The following CEP164 variants were observed in gnomAD, a reference collection of about 807,000 sequenced individuals.
CEP164 encodes centrosomal protein of 164 kDa.
A neutral mutation model predicts 182.7 loss-of-function variants in CEP164; 162 were observed. That is an observed-to-expected ratio of 0.89 (90% confidence interval 0.78 to 1.01). The LOEUF is 1.01. CEP164 is among the 50% of genes least tolerant of loss of function. The pLI, the probability that CEP164 is intolerant of heterozygous loss-of-function variation, is 0.00. For synonymous variants in CEP164, 661 were observed against 690.0 expected (o/e 0.96, Z 0.66); for missense variants, 1,735 against 1,790.4 (o/e 0.97, Z 0.56).
At chr11:117,398,588 C>T (rs1015514849) in intron 27 of CEP164, among the ~76,000 whole-genome samples, 1 of 151,946 alleles carries the variant, frequency 6.6e-6, no homozygotes, top group African/African-American at 2.4e-5. Context: ...CATACATCTT[C>T]TGAAATCTAG....
At chr11:117,345,774 C>T (rs2135293677) in intron 4 of CEP164, among the ~76,000 whole-genome samples, 1 of 152,132 alleles carries the variant, frequency 6.6e-6, no homozygotes, top group African/African-American at 2.4e-5. Flanking sequence ...GCAACCTCCA[C>T]CTCCCGGAGG....
intron 5 of CEP164, chr11:117,356,753 T>A: frequency 1.1e-6 from 1 of 881,576 alleles, no homozygotes; most frequent in Non-Finnish European, 1.4e-6. Flanking sequence ...GCCCTTTAAC[T>A]ACCCAAATGG....
chr11:117,365,797 C>T (rs1474134191), intron 8 of CEP164, among the ~76,000 whole-genome samples: 1 of 152,086 alleles, frequency 6.6e-6, no homozygotes, highest in Non-Finnish European at 1.5e-5. Flanking sequence ...CCAGGCTGGT[C>T]TCGAACTCCT....
At chr11:117,365,335 G>C (rs1592183408) in intron 8 of CEP164, among the ~76,000 whole-genome samples, 1 of 152,328 alleles carries the variant, frequency 6.6e-6, no homozygotes, top group East Asian at 1.9e-4. Flanking sequence ...ATGAGTGAAT[G>C]AGCCACCTCG....
chr11:117,341,999 T>C (rs1470475810), intron 3 of CEP164, among the ~76,000 whole-genome samples: 1 of 152,152 alleles, frequency 6.6e-6, no homozygotes, highest in Non-Finnish European at 1.5e-5. Flanking sequence ...TCCTTGACCA[T>C]CATTTCTAGA....
In CEP164 at chr11:117,396,533, C is replaced by T; in HGVS notation, c.3217-17C>T. ...CTTTTGCTACACTCAGTGGACTTTT[C>T]TACCATGTGTCCCTAGAACCAGACC... On this transcript the variant is annotated splice_polypyrimidine_tract_variant and intron_variant, in intron 25 of 32. Coordinates refer to ENST00000278935, the MANE Select transcript of CEP164 (RefSeq NM_014956.5). 1 of 1,611,316 alleles carries T rather than the reference C, an allele frequency of 6.2e-7. No individual in the cohort carries two copies. Among genetic ancestry groups the T allele is most frequent in the Non-Finnish European group, 8.5e-7 (1 of 1,177,412 alleles).
At chr11:117,343,312 T>G (rs1392418883) in intron 3 of CEP164, among the ~76,000 whole-genome samples, 1 of 152,240 alleles carries the variant, frequency 6.6e-6, no homozygotes, top group Non-Finnish European at 1.5e-5. Context: ...TCCCTGCCCC[T>G]AGGCAGAATC....
upstream of CEP164, among the ~76,000 whole-genome samples, chr11:117,325,249 GA>G (rs1199980649): frequency 6.7e-6 from 1 of 149,452 alleles, no homozygotes; most frequent in Non-Finnish European, 1.5e-5. Flanking sequence ...CACGCCCAGT[GA>G]ATTTTTGTGT....
At chr11:117,364,390 T>G (rs755191176) in intron 8 of CEP164, among the ~76,000 whole-genome samples, 2 of 152,134 alleles carry the variant, frequency 1.3e-5, no homozygotes, top group Non-Finnish European at 2.9e-5. Flanking sequence ...GAATTTAAAT[T>G]TGTTTTCTCA....
Position 117,395,174 on chromosome 11 carries a change from G to T in CEP164, c.2896G>T (p.Val966Phe), listed in dbSNP as rs1454420207. ...GCAGCTGCTTGATGTGCAGAGGCAGGTTGCTCTGAAGAGTGAGGTTTGTCT... is the reference window on the plus strand; with the variant it reads ...GCAGCTGCTTGATGTGCAGAGGCAGTTTGCTCTGAAGAGTGAGGTTTGTCT... ...KQQLLDVQRQ[V>F]ALKSEEATAT... Residue 966 changes from valine (V) to phenylalanine (F), a missense_variant, in exon 23 of 33, where the codon GTT becomes TTT. By Grantham distance (50) the Val-to-Phe change is conservative (BLOSUM62 -1). Coordinates refer to ENST00000278935, the MANE Select transcript of CEP164 (RefSeq NM_014956.5). 1 of 1,613,964 alleles carries T rather than the reference G, an allele frequency of 6.2e-7. No individual in the cohort carries two copies. The highest frequency in any genetic ancestry group is 8.5e-7 in the Non-Finnish European group (1 of 1,180,012).
rs774686726 is a variant in CEP164 at position 117,338,553 on chromosome 11, C to T, written c.-21-13C>T. ...CTGATTTTTCTCTTTTGGTGGGGGC[C>T]TCTGGGATCTAGGTGTTTGAGCCCA... On this transcript the variant is annotated splice_polypyrimidine_tract_variant and intron_variant, in intron 2 of 32. Transcript: ENST00000278935. 18 of 1,580,978 alleles carry T rather than the reference C, an allele frequency of 1.1e-5. No homozygotes were observed. In the East Asian group the frequency reaches 3.6e-4, roughly 31 times the overall value.
In CEP164 at chr11:117,394,361, G is replaced by A; in HGVS notation, c.2628G>A (p.Gln876=). Residue 876 remains glutamine, a synonymous_variant, in exon 21 of 33, where the codon CAG becomes CAA. Coordinates refer to ENST00000278935, the MANE Select transcript of CEP164 (RefSeq NM_014956.5). The surrounding 1 kb of genome is among the most constrained non-coding windows in gnomAD (Gnocchi z 4.0). The part of the protein sequence containing the change: ...REQYEAEERK[Q]RAELLGHLTG... ...CACCCTCCTTGCAGGAGAGGAAGCAGCGGGCTGAGCTTCTGGGGCACCTGA... is the reference window on the plus strand; with the variant it reads ...CACCCTCCTTGCAGGAGAGGAAGCAACGGGCTGAGCTTCTGGGGCACCTGA... 6.2e-7 allele frequency: 1 copy of A among 1,601,400 alleles called. No individual in the cohort carries two copies. The highest frequency in any genetic ancestry group is 2.2e-5 in the East Asian group (1 of 44,494).
In CEP164 at chr11:117,395,682, C is replaced by A; in HGVS notation, c.3049C>A (p.Leu1017Met). The change falls in exon 24 of 33, where the codon CTG becomes ATG. Residue 1017 changes from leucine (L) to methionine (M), a missense_variant. Transcript: ENST00000278935. ...GCTGAAGCTGGAGTCCCAAGTGGATCTGCTGCAGGCTCAGAGCCAGCAACT... is the reference window on the plus strand; with the variant it reads ...GCTGAAGCTGGAGTCCCAAGTGGATATGCTGCAGGCTCAGAGCCAGCAACT... ...RKLKLESQVDLLQAQSQQLQK... is the reference protein window; with the variant it reads ...RKLKLESQVDMLQAQSQQLQK... The A allele has an allele frequency of 6.2e-7, 1 of 1,613,106 alleles. No homozygotes were observed. The highest frequency in any genetic ancestry group is 8.5e-7 in the Non-Finnish European group (1 of 1,179,918).
At chr11:117,373,563 G>A (rs1053838686) in intron 9 of CEP164, among the ~76,000 whole-genome samples, 188 bp from the exon 10 acceptor site, 3 of 152,196 alleles carry the variant, frequency 2.0e-5, no homozygotes, top group East Asian at 1.9e-4. Flanking sequence ...CCAGTGGGGC[G>A]GAGGCTGTGC....
intron 27 of CEP164, among the ~76,000 whole-genome samples, chr11:117,400,344 T>C (rs923914685): frequency 2.0e-5 from 3 of 152,216 alleles, no homozygotes; most frequent in African/African-American, 7.2e-5. Flanking sequence ...TATTGGCTTA[T>C]ATATCTGTTT....
intron 11 of CEP164, among the ~76,000 whole-genome samples, chr11:117,380,372 G>A (rs559067442): frequency 6.6e-6 from 1 of 152,224 alleles, no homozygotes; most frequent in East Asian, 1.9e-4. Context: ...TAGTGGCTGT[G>A]GTCTTCTGCC....
rs756333747 is a variant in CEP164, at chr11:117,371,159, G to C, written c.845G>C (p.Cys282Ser). Residue 282 changes from cysteine (C) to serine (S), a missense_variant, in exon 9 of 33, where the codon TGC becomes TCC. Coordinates refer to ENST00000278935, the MANE Select transcript of CEP164 (RefSeq NM_014956.5). ...GATGCTGCCGGTCCCCCTACTCCCT[G>C]CAAGCCCTCCAGCCCAGGTGCAGAC... ...DSDAAGPPTP[C>S]KPSSPGADSS... 2 of 1,614,128 alleles carry C rather than the reference G, an allele frequency of 1.2e-6. No individual in the cohort carries two copies. Among genetic ancestry groups the C allele is most frequent in the South Asian group, 1.1e-5 (1 of 91,082 alleles).
rs1454720853 is a variant in CEP164 at position 117,409,740 on chromosome 11, C to T, written c.3871C>T (p.Pro1291Ser). ...ILDSLNPQSPPPLLASMPAQL... is the reference protein window; with the variant it reads ...ILDSLNPQSPSPLLASMPAQL... ...GGACAGCCTCAACCCTCAGTCGCCGCCGCCGCTCCTCGCCTCCATGCCAGC... is the reference window on the plus strand; with the variant it reads ...GGACAGCCTCAACCCTCAGTCGCCGTCGCCGCTCCTCGCCTCCATGCCAGC... The change falls in exon 30 of 33, where the codon CCG becomes TCG. Residue 1291 changes from proline (P) to serine (S), a missense_variant. Transcript: ENST00000278935. This position sits in a 1 kb window ranked among gnomAD's most constrained non-coding sequence, Gnocchi z 4.4. 1 of 1,613,952 alleles carries T rather than the reference C, an allele frequency of 6.2e-7. No individual in the cohort carries two copies. Among genetic ancestry groups the T allele is most frequent in the Non-Finnish European group, 8.5e-7 (1 of 1,179,970 alleles).
At chr11:117,329,788 C>T (rs1486514932) in intron 1 of CEP164, among the ~76,000 whole-genome samples, 1 of 151,334 alleles carries the variant, frequency 6.6e-6, no homozygotes, top group Non-Finnish European at 1.5e-5. Flanking sequence ...TATCCGCCCA[C>T]CTCCGCCTCC....
Sources: allele counts gnomAD v4.1 joint callset (sites outside exome capture counted in the v4.1 genomes callset), GRCh38; gene constraint gnomAD v4.1.1; non-coding constraint Gnocchi (gnomAD v3.1); transcripts MANE v1.5; gene names NCBI Gene and HGNC (gene_info 2026-07-23, HGNC 2026-07-21).